The following PPP1R13L variants were observed in gnomAD, a reference collection of about 807,000 sequenced individuals.
PPP1R13L encodes relA-associated inhibitor.
A neutral mutation model predicts 80.9 loss-of-function variants in PPP1R13L; 50 were observed. That is an observed-to-expected ratio of 0.62 (90% CI 0.49 to 0.78). The LOEUF (loss-of-function observed/expected upper bound fraction) is 0.78, where lower values mean the gene tolerates loss of function less well. PPP1R13L is among the 30% of genes least tolerant of loss of function. The pLI is 0.00. For missense variants in PPP1R13L, 1,200 were observed against 1,205.9 expected (o/e 1.00, Z 0.07); for synonymous variants, 602 against 534.3 (o/e 1.13, Z -1.75).
intron 7 of PPP1R13L, chr19:45,394,984 G>A (rs536071018): frequency 6.4e-6 from 1 of 157,416 alleles, no homozygotes; most frequent in East Asian, 1.9e-4. Flanking sequence ...CAAGTAGCTG[G>A]GACTACAGGC....
At chr19:45,382,836 C>A in intron 11 of PPP1R13L, 110 bp from the exon 12 acceptor site, 1 of 973,790 alleles carries the variant, frequency 1.0e-6, no homozygotes, top group South Asian at 1.5e-5. Context: ...TCCCAGCAAC[C>A]ACCTGAAATG....
intron 8 of PPP1R13L, among the ~76,000 whole-genome samples, chr19:45,390,111 G>A (rs949901337): frequency 1.3e-5 from 2 of 151,282 alleles, no homozygotes; most frequent in African/African-American, 4.9e-5. Context: ...TTTATTTAGA[G>A]ATGGAGTCTT....
intron 11 of PPP1R13L, 27 bp from the exon 12 acceptor site, chr19:45,382,753 G>C: frequency 6.2e-7 from 1 of 1,612,622 alleles, no homozygotes; most frequent in Non-Finnish European, 8.5e-7. Context: ...AGGGGAAGGT[G>C]AGAGCCTGGC....
intron 8 of PPP1R13L, among the ~76,000 whole-genome samples, chr19:45,391,547 T>G (rs543714932): frequency 5.3e-5 from 8 of 152,110 alleles, no homozygotes; most frequent in African/African-American, 1.9e-4. Flanking sequence ...GCAGGCAGAG[T>G]GATGTATGGA....
chr19:45,389,842 C>T (rs1162940828), intron 8 of PPP1R13L, among the ~76,000 whole-genome samples: 1 of 152,056 alleles, frequency 6.6e-6, no homozygotes, highest in Non-Finnish European at 1.5e-5. Flanking sequence ...GTCACCCAGG[C>T]TGGAGTGCAG....
Position 45,396,929 on chromosome 19 carries a change from T to G in PPP1R13L, c.328A>C (p.Ser110Arg). The change falls in exon 4 of 13, where the codon AGC becomes CGC. Residue 110 changes from serine to arginine, a missense_variant. Physicochemically the swap from Ser to Arg is moderately radical, Grantham distance 110 (BLOSUM62 -1). Around this residue, in one of 5 missense-constraint regions of PPP1R13L, gnomAD observed 764 missense variants for 714.5 expected, o/e 1.07. Coordinates refer to ENST00000360957, the MANE Select transcript of PPP1R13L (RefSeq NM_006663.4). The surrounding 1 kb of genome is among the most constrained non-coding windows in gnomAD (Gnocchi z 5.3). ...SESAPTLHPY[S>R]PLSPKGRPSS... ...GGCCGTCCCTTGGGGGACAGCGGGCTGTAGGGGTGTAGGGTTGGGGCACTC... is the reference window on the plus strand; with the variant it reads ...GGCCGTCCCTTGGGGGACAGCGGGCGGTAGGGGTGTAGGGTTGGGGCACTC... 1 of 1,470,852 alleles carries G rather than the reference T, an allele frequency of 6.8e-7. No homozygotes were observed. The highest frequency in any genetic ancestry group is 8.9e-7 in the Non-Finnish European group (1 of 1,117,920). 91.1% of individuals were successfully genotyped at this position (1,470,852 alleles called of 1,614,324 possible). A position where few individuals can be genotyped will look rare whatever the true frequency, so the allele number is the denominator to read the frequency against.
At chr19:45,386,203 C>T in intron 8 of PPP1R13L, 23 bp from the exon 9 acceptor site, 1 of 1,492,800 alleles carries the variant, frequency 6.7e-7, no homozygotes, top group Non-Finnish European at 8.8e-7. Flanking sequence ...GCGCAGAGGT[C>T]AGCGACTTGG....
In PPP1R13L at chr19:45,385,697, C is replaced by A; in HGVS notation, c.2113G>T (p.Asp705Tyr). ...ACCAGCGCCATGCAGATGACTGTGT[C>A]GTTGCACGACGCCGCGCAGTGCAAG... ...TPLHCAASCNDTVICMALVQH... is the reference protein window; with the variant it reads ...TPLHCAASCNYTVICMALVQH... Residue 705 changes from aspartate (D) to tyrosine (Y), a missense_variant, in exon 11 of 13, where the codon GAC becomes TAC. Physicochemically the swap from Asp to Tyr is radical, Grantham distance 160. This residue lies in a region of PPP1R13L where 4 missense variants were observed against 18.2 expected (regional missense o/e 0.22). Transcript: ENST00000360957. 2 of 1,612,116 alleles carry A rather than the reference C, an allele frequency of 1.2e-6. No homozygotes were observed. Among genetic ancestry groups the A allele is most frequent in the Non-Finnish European group, 1.7e-6 (2 of 1,179,304 alleles).
intron 8 of PPP1R13L, 108 bp from the exon 9 acceptor site, chr19:45,386,288 G>A: frequency 1.5e-6 from 2 of 1,330,442 alleles, no homozygotes; most frequent in African/African-American, 1.5e-5. Context: ...TCTAGACAGG[G>A]GTAGAACTGG....
At chr19:45,385,084 G>A (rs1163248201) in intron 11 of PPP1R13L, among the ~76,000 whole-genome samples, 3 of 151,844 alleles carry the variant, frequency 2.0e-5, no homozygotes, top group African/African-American at 7.3e-5. Flanking sequence ...CGCCCTGCCC[G>A]TCGGGGAACC....
chr19:45,388,901 C>T (rs999535167), intron 8 of PPP1R13L, among the ~76,000 whole-genome samples: 1 of 151,870 alleles, frequency 6.6e-6, no homozygotes, highest in African/African-American at 2.4e-5. Flanking sequence ...CCAGGCCCAG[C>T]TAATTTTTGT....
At chr19:45,394,350 C>G (rs1299732037) in intron 7 of PPP1R13L, among the ~76,000 whole-genome samples, 1 of 152,032 alleles carries the variant, frequency 6.6e-6, no homozygotes, top group Non-Finnish European at 1.5e-5. Flanking sequence ...ACTATGTTGC[C>G]CAGGCTGGTC....
chr19:45,405,338 C>CT (rs1282271497), upstream of PPP1R13L, among the ~76,000 whole-genome samples: 8 of 152,232 alleles, frequency 5.3e-5, no homozygotes, highest in Admixed American at 2.0e-4. Context: ...AGACTGACTC[C>CT]TGAGCCCTTG....
chr19:45,390,635 G>A (rs1444788924), intron 8 of PPP1R13L, among the ~76,000 whole-genome samples: 5 of 152,158 alleles, frequency 3.3e-5, no homozygotes, highest in Admixed American at 1.3e-4. Flanking sequence ...CTCTTAAGAC[G>A]CTGATGCTCC....
Position 45,396,082 on chromosome 19 carries a change from C to G in PPP1R13L, c.903+86G>C, listed in dbSNP as rs1206542159. On this transcript the variant is annotated intron_variant, in intron 6 of 12. Coordinates refer to ENST00000360957, the MANE Select transcript of PPP1R13L (RefSeq NM_006663.4). The surrounding 1 kb of genome is among the most constrained non-coding windows in gnomAD (Gnocchi z 5.3). ...GGCGCCGAGACCCAGATCGCAGCCC[C>G]GAGGGGGAGACTGGCCTTGACCCCG... 8 of 1,460,846 alleles carry G rather than the reference C, an allele frequency of 5.5e-6. 1 individual carries two copies. The highest frequency in any genetic ancestry group is 7.4e-6 in the Non-Finnish European group (8 of 1,081,020). The allele number at this position is 1,460,846 out of a possible 1,614,324, so 90.5% of individuals were successfully genotyped here. A position where few individuals can be genotyped will look rare whatever the true frequency, so the allele number is the denominator to read the frequency against.
intron 8 of PPP1R13L, among the ~76,000 whole-genome samples, chr19:45,391,124 G>A (rs1299222049): frequency 6.6e-6 from 1 of 151,872 alleles, no homozygotes; most frequent in Admixed American, 6.6e-5. Flanking sequence ...CTTGAACCTG[G>A]GAGGCGGAGG....
chr19:45,394,001 C>T lies in PPP1R13L; in HGVS notation c.1354+1435G>A, dbSNP rs114160872. On this transcript the variant is annotated intron_variant, in intron 7 of 12. Transcript: ENST00000360957. ...GATATTATTAATCTCTCTTCACAGACGGGAAACAGAGTTTCGGACAAGTAA... is the reference window on the plus strand; with the variant it reads ...GATATTATTAATCTCTCTTCACAGATGGGAAACAGAGTTTCGGACAAGTAA... Among the ~76,000 whole-genome samples the T allele has an allele frequency of 5.3e-3, 802 of 152,306 alleles. 10 individuals are homozygous for T. Among genetic ancestry groups the T allele is most frequent in the African/African-American group, 0.017 (717 of 41,556 alleles).
Position 45,396,527 on chromosome 19 carries a change from A to G in PPP1R13L, c.712+18T>C. The G allele has an allele frequency of 6.3e-7, 1 of 1,589,526 alleles. No homozygotes were observed. On this transcript the variant is annotated intron_variant, in intron 4 of 12. Transcript: ENST00000360957. The surrounding 1 kb of genome is among the most constrained non-coding windows in gnomAD (Gnocchi z 5.3). Reference sequence around the variant, plus strand: ...GACCCCGCGAGTCAAAGGCCCCGCGAGGGGCCCCTGGGTTCACCTTGCGCG... The same window carrying G: ...GACCCCGCGAGTCAAAGGCCCCGCGGGGGGCCCCTGGGTTCACCTTGCGCG...
intron 1 of PPP1R13L, among the ~76,000 whole-genome samples, chr19:45,401,105 A>G (rs1387287744): frequency 1.3e-5 from 2 of 150,546 alleles, no homozygotes; most frequent in African/African-American, 2.4e-5. Flanking sequence ...AACATTTTGT[A>G]CACTTTGGGA....
Sources: gnomAD v4.1 joint callset for allele counts (sites outside exome capture counted in the v4.1 genomes callset) on GRCh38, gnomAD v4.1.1 for gene constraint, gnomAD v4.1.1 regional missense constraint, Gnocchi (gnomAD v3.1) non-coding constraint, MANE v1.5 for transcripts, NCBI Gene and HGNC (gene_info 2026-07-23, HGNC 2026-07-21) for gene names.